The following GPLD1 variants were observed in gnomAD, a reference collection of about 807,000 sequenced individuals.
The protein encoded by GPLD1 is glycosylphosphatidylinositol specific phospholipase D1.
In GPLD1, 84 loss-of-function variants were observed where a neutral mutation model predicts 112.6. The ratio of observed to expected loss-of-function variants is 0.75; its 90% CI spans 0.63 to 0.89. The LOEUF (loss-of-function observed/expected upper bound fraction) is 0.89. GPLD1 is among the 40% of genes least tolerant of loss of function. The pLI, the probability that GPLD1 is intolerant of heterozygous loss-of-function variation, is 0.00. For synonymous variants in GPLD1, 386 were observed against 403.8 expected, an observed-to-expected ratio of 0.96 and a Z score of 0.53; for missense variants, 1,044 against 1,051.5, an observed-to-expected ratio of 0.99 and a Z score of 0.10.
At chr6:24,485,201 G>A (rs7766290) in intron 2 of GPLD1, among the ~76,000 whole-genome samples, 29,178 of 152,004 alleles carry the variant, frequency 0.19, 3,092 homozygotes, top group African/African-American at 0.28. Context: ...ACAAGAAGTG[G>A]AAAATAAATG....
At chr6:24,470,041 C>G (rs940078764) in intron 7 of GPLD1, among the ~76,000 whole-genome samples, 1 of 152,006 alleles carries the variant, frequency 6.6e-6, no homozygotes, top group Non-Finnish European at 1.5e-5. Flanking sequence ...ACAAAAAAAC[C>G]CTGGGAGGTA....
chr6:24,464,106 C>T (rs1763520192), intron 10 of GPLD1, among the ~76,000 whole-genome samples: 1 of 152,178 alleles, frequency 6.6e-6, no homozygotes, highest in Admixed American at 6.5e-5. Context: ...ATCACTCAAA[C>T]ATGCCCTTAT....
rs3033083 is a variant in GPLD1, at chr6:24,449,941, C to CCTA, written c.1336-43_1336-42insTAG. 2.2e-6 allele frequency: 3 copies of CCTA among 1,342,620 alleles called. No individual in the cohort carries two copies. The Admixed American group carries it at 6.1e-5, about 27-fold the overall frequency. 83.2% of individuals were successfully genotyped at this position (1,342,620 alleles called of 1,614,324 possible). ...TTACTTCCCCTGGGCTGAGCCACGGCCTCGGAAAGAGCACTCCTGACCCCC... is the reference window on the plus strand; with the variant it reads ...TTACTTCCCCTGGGCTGAGCCACGGCCTACTCGGAAAGAGCACTCCTGACCCCC... On this transcript the variant is annotated intron_variant, in intron 14 of 24. Transcript: ENST00000230036.
At position 24,453,078 on chromosome 6, in the gene GPLD1, T is replaced by TA. The variant is rs1763144924; in HGVS notation, c.1335+936dup. Among the ~76,000 whole-genome samples the TA allele has an allele frequency of 3.3e-5, 5 of 151,952 alleles. No homozygotes were observed. The South Asian group carries it at 1.0e-3, about 32-fold the overall frequency. On this transcript the variant is annotated intron_variant, in intron 14 of 24. Transcript: ENST00000230036. Reference sequence around the variant, plus strand: ...ATGTTAGAAAAACTTTCCAGGACCCTAGCGCTCTCGGGAGGAATTAATGCT... The same window carrying TA: ...ATGTTAGAAAAACTTTCCAGGACCCTAAGCGCTCTCGGGAGGAATTAATGCT...
intron 10 of GPLD1, 91 bp downstream of exon 10, chr6:24,466,589 A>T: frequency 2.1e-6 from 2 of 952,850 alleles, no homozygotes; most frequent in Non-Finnish European, 3.2e-6. Flanking sequence ...TTTTGTTTTT[A>T]TGTGATCAGT....
At chr6:24,430,565 T>C (rs1056087733) in intron 24 of GPLD1, among the ~76,000 whole-genome samples, 1 of 151,394 alleles carries the variant, frequency 6.6e-6, no homozygotes, top group African/African-American at 2.4e-5. Flanking sequence ...GGCAGCCCCA[T>C]GAGAAGTTTC....
intron 20 of GPLD1, among the ~76,000 whole-genome samples, chr6:24,439,517 G>T (rs1049331365): frequency 6.6e-6 from 1 of 152,148 alleles, no homozygotes; most frequent in Non-Finnish European, 1.5e-5. Context: ...TGTTAAAGAA[G>T]AGAAGCATAT....
At chr6:24,425,095 G>C (rs1474098941), downstream of GPLD1, 1 of 152,182 alleles carries the variant, frequency 6.6e-6, no homozygotes, top group Non-Finnish European at 1.5e-5. Flanking sequence ...GTCGGAATGT[G>C]AACATACAGC....
intron 22 of GPLD1, among the ~76,000 whole-genome samples, chr6:24,434,293 G>T (rs1762500839): frequency 6.6e-6 from 1 of 151,914 alleles, no homozygotes; most frequent in South Asian, 2.1e-4. Flanking sequence ...AGCTACTCAG[G>T]AAGCTGAGGC....
intron 13 of GPLD1, 106 bp downstream of exon 13, chr6:24,456,392 T>A: frequency 1.3e-6 from 1 of 786,432 alleles, no homozygotes; most frequent in Non-Finnish European, 2.0e-6. Flanking sequence ...TGAGACTCTG[T>A]CTCAAAAATA....
chr6:24,475,664 G>A (rs1464889834), intron 4 of GPLD1, among the ~76,000 whole-genome samples: 1 of 134,610 alleles, frequency 7.4e-6, no homozygotes, highest in African/African-American at 2.9e-5. Context: ...CTAACATGGT[G>A]AAACCCCGTC....
chr6:24,463,093 TGA>T (rs1232431175), intron 10 of GPLD1, among the ~76,000 whole-genome samples: 2 of 152,178 alleles, frequency 1.3e-5, no homozygotes, highest in East Asian at 1.9e-4. Flanking sequence ...TCTCAGAATT[TGA>T]GAGTGTTATC....
chr6:24,441,041 G>T (rs868444617), intron 20 of GPLD1, among the ~76,000 whole-genome samples: 2 of 152,096 alleles, frequency 1.3e-5, no homozygotes, highest in African/African-American at 4.8e-5. Context: ...AGTGGCTCAC[G>T]CCTGTAATCC....
intron 14 of GPLD1, 99 bp from the exon 15 acceptor site, chr6:24,449,998 C>T (rs769663739): frequency 5.5e-6 from 4 of 731,012 alleles, no homozygotes; most frequent in Non-Finnish European, 9.1e-6. Flanking sequence ...CAACCCCCGC[C>T]CCCCGCCACC....
chr6:24,475,510 A>AGCCTGG (rs1261315781), intron 4 of GPLD1, among the ~76,000 whole-genome samples: 1 of 149,320 alleles, frequency 6.7e-6, no homozygotes, highest in Non-Finnish European at 1.5e-5. Context: ...ACTGCACTCC[A>AGCCTGG]GCCTGGGCGA....
intron 7 of GPLD1, among the ~76,000 whole-genome samples, chr6:24,468,617 G>A (rs10946703): frequency 0.34 from 51,177 of 151,000 alleles, 9,313 homozygotes; most frequent in Middle Eastern, 0.43. Flanking sequence ...GCAGTGGTGC[G>A]ATATCGGTTC....
At chr6:24,472,732 T>A in intron 6 of GPLD1, 96 bp from the exon 7 acceptor site, 7 of 740,192 alleles carry the variant, frequency 9.5e-6, no homozygotes, top group Non-Finnish European at 1.7e-5. Context: ...ATTATTAGTT[T>A]TTCACATTAT....
intron 8 of GPLD1, 61 bp from the exon 9 acceptor site, chr6:24,467,000 A>G (rs1400398707): frequency 2.1e-6 from 3 of 1,435,394 alleles, no homozygotes; most frequent in Non-Finnish European, 2.9e-6. Flanking sequence ...AATGAAGCAA[A>G]TAATGAAGAA....
At chr6:24,486,633 A>G (rs1296129715) in intron 1 of GPLD1, among the ~76,000 whole-genome samples, 1 of 152,144 alleles carries the variant, frequency 6.6e-6, no homozygotes, top group Admixed American at 6.5e-5. Context: ...CCTGATCAAC[A>G]TGGAGAAACC....
Sources: allele counts gnomAD v4.1 joint callset (sites outside exome capture counted in the v4.1 genomes callset), GRCh38; gene constraint gnomAD v4.1.1; transcripts MANE v1.5; gene names NCBI Gene and HGNC (gene_info 2026-07-23, HGNC 2026-07-21).